The following IMMT variants were observed in gnomAD, a reference collection of about 807,000 sequenced individuals.
IMMT encodes the protein inner membrane mitochondrial protein.
In IMMT, 40 loss-of-function variants were observed where a neutral mutation model predicts 92.7. That is an observed-to-expected ratio of 0.43 (90% CI 0.34 to 0.56). The LOEUF is 0.56. Ranked by LOEUF, IMMT falls within the 20% of genes least tolerant of loss-of-function variation. IMMT has a pLI of 0.03. For missense variants in IMMT, 831 were observed against 912.1 expected (o/e 0.91, Z 1.14); for synonymous variants, 322 against 336.1 (o/e 0.96, Z 0.46).
chr2:86,178,368 C>T (rs1283191018), intron 3 of IMMT, among the ~76,000 whole-genome samples: 1 of 151,480 alleles, frequency 6.6e-6, no homozygotes, highest in African/African-American at 2.4e-5. Flanking sequence ...TATCTCACAC[C>T]TGTAATCCCA....
intron 4 of IMMT, 155 bp downstream of exon 4, chr2:86,173,495 G>A (rs375153407): frequency 2.0e-5 from 11 of 560,514 alleles, no homozygotes; most frequent in African/African-American, 3.8e-5. Context: ...CAGGAGAATC[G>A]CTTGAACCTG....
chr2:86,171,002 T>G (rs1677045737), intron 5 of IMMT, among the ~76,000 whole-genome samples, 158 bp from the exon 6 acceptor site: 1 of 152,244 alleles, frequency 6.6e-6, no homozygotes, highest in African/African-American at 2.4e-5. Context: ...TCTTAATGAT[T>G]CCAAAATGAA....
chr2:86,146,148 C>A lies in IMMT; in HGVS notation c.1583G>T (p.Ser528Ile). The change falls in exon 14 of 15, where the codon AGT (serine) becomes ATT (isoleucine). Residue 528 changes from serine to isoleucine, a missense_variant. Transcript: ENST00000410111. ...AGTAAAGTTGTCAACTTGCTCTTGA[C>A]TGAGACGACGAAATTGTAATTCTTG... ...SEQELQFRRL[S>I]QEQVDNFTLD... The A allele has an allele frequency of 1.9e-6, 3 of 1,608,590 alleles. No homozygotes were observed. Among genetic ancestry groups the A allele is most frequent in the Non-Finnish European group, 1.7e-6 (2 of 1,176,266 alleles).
chr2:86,171,957 ATATTTTT>A (rs60737853), intron 4 of IMMT, among the ~76,000 whole-genome samples: 50,692 of 132,570 alleles, frequency 0.38, 9,153 homozygotes, highest in Non-Finnish European at 0.46. Flanking sequence ...TGTGTGTAGT[ATATTTTT>A]TTTTTTTTTT....
intron 6 of IMMT, among the ~76,000 whole-genome samples, chr2:86,166,952 G>C (rs1188660782): frequency 1.3e-5 from 2 of 151,402 alleles, no homozygotes; most frequent in African/African-American, 4.8e-5. Flanking sequence ...ACAAAAATTA[G>C]CCAGGCATGG....
chr2:86,170,856 AG>A lies in IMMT; in HGVS notation c.560-13del. The A allele has an allele frequency of 6.5e-7, 1 of 1,547,286 alleles. No individual in the cohort carries two copies. On this transcript the variant is annotated splice_polypyrimidine_tract_variant and intron_variant, in intron 5 of 14. Transcript: ENST00000410111. Reference sequence around the variant, plus strand: ...TGAGGATGCTTCTTCTTGCAGCAAAAGTAAATAAGAGGAAATCAAATTTCAG... The same window carrying A: ...TGAGGATGCTTCTTCTTGCAGCAAAATAAATAAGAGGAAATCAAATTTCAG...
At chr2:86,189,812 T>A (rs1019216278) in intron 1 of IMMT, among the ~76,000 whole-genome samples, 2 of 152,196 alleles carry the variant, frequency 1.3e-5, no homozygotes, top group Non-Finnish European at 1.5e-5. Flanking sequence ...AAATAGTTTA[T>A]AAGAATCATG....
chr2:86,173,609 T>C, intron 4 of IMMT, 41 bp downstream of exon 4: 1 of 1,124,874 alleles, frequency 8.9e-7, no homozygotes, highest in Non-Finnish European at 1.3e-6. Flanking sequence ...GGTGAAGAGA[T>C]TTACCTATAA....
At chr2:86,152,440 C>CA (rs772186185) in intron 11 of IMMT, among the ~76,000 whole-genome samples, 1,276 of 76,742 alleles carry the variant, frequency 0.017, 30 homozygotes, top group African/African-American at 0.033. Flanking sequence ...GACTCCATCT[C>CA]AAAAAAAAAA....
chr2:86,144,100 T>A lies in IMMT; in HGVS notation c.*168A>T, dbSNP rs1674806756. ...AAAGCACTCCTGGCGTTCACTGACA[T>A]GATAGCAAATGGAAAGAATATAAAT... On this transcript the variant is annotated 3_prime_UTR_variant, in exon 15 of 15. Transcript: ENST00000410111. 1.3e-6 allele frequency: 1 copy of A among 741,790 alleles called. No homozygotes were observed. The highest frequency in any genetic ancestry group is 1.8e-5 in the African/African-American group (1 of 56,492). 46.0% of individuals were successfully genotyped at this position (741,790 alleles called of 1,614,324 possible). A position where few individuals can be genotyped will look rare whatever the true frequency, so the allele number is the denominator to read the frequency against.
chr2:86,173,753 C>A lies in IMMT; in HGVS notation c.318G>T (p.Ser106=). 1.9e-6 allele frequency: 3 copies of A among 1,554,846 alleles called. No homozygotes were observed. The highest frequency in any genetic ancestry group is 2.7e-6 in the Non-Finnish European group (3 of 1,131,238). Residue 106 remains serine (S), a synonymous_variant, in exon 4 of 15, where the codon TCG becomes TCT. Coordinates refer to ENST00000410111, the MANE Select transcript of IMMT (RefSeq NM_006839.3). ...NVPLPKKSIQ[S]GPLKISSVSE... Reference sequence around the variant, plus strand: ...ATACACTAGAGATTTTTAGTGGACCCGACTGAATCTTGGAAATAAAAAACA... The same window carrying A: ...ATACACTAGAGATTTTTAGTGGACCAGACTGAATCTTGGAAATAAAAAACA...
At chr2:86,156,353 A>G (rs1675855310) in intron 10 of IMMT, among the ~76,000 whole-genome samples, 1 of 152,154 alleles carries the variant, frequency 6.6e-6, no homozygotes, top group African/African-American at 2.4e-5. Flanking sequence ...GCACTTTGGG[A>G]GGCCGAGGTA....
chr2:86,146,642 C>T (rs7575430), intron 13 of IMMT, among the ~76,000 whole-genome samples: 47,436 of 152,074 alleles, frequency 0.31, 9,257 homozygotes, highest in East Asian at 0.73. Context: ...GGATTACAGG[C>T]GTGAGCCACC....
intron 11 of IMMT, among the ~76,000 whole-genome samples, chr2:86,153,174 G>C (rs1441602500): frequency 1.3e-5 from 2 of 152,098 alleles, no homozygotes; most frequent in Non-Finnish European, 2.9e-5. Flanking sequence ...GGAGGAGTGG[G>C]AATAGATGAG....
chr2:86,157,948 T>A lies in IMMT; in HGVS notation c.1162+644A>T, dbSNP rs1341650860. Among the ~76,000 whole-genome samples the A allele has an allele frequency of 5.3e-5, 8 of 151,746 alleles. No homozygotes were observed. In the East Asian group the frequency reaches 7.7e-4, roughly 15 times the overall value. On this transcript the variant is annotated intron_variant, in intron 10 of 14. Coordinates refer to ENST00000410111, the MANE Select transcript of IMMT (RefSeq NM_006839.3). ...CCAGCCTGGGCAACGACAAAAAAAA[T>A]AAAAATAAAAATAAACGGTATTTTA...
chr2:86,187,699 T>C (rs2081322), intron 1 of IMMT, among the ~76,000 whole-genome samples: 42,209 of 151,852 alleles, frequency 0.28, 7,099 homozygotes, highest in East Asian at 0.5. Flanking sequence ...TCACCTGAGG[T>C]TGGGAATTCG....
At chr2:86,171,766 CG>C (rs1677100962) in intron 4 of IMMT, among the ~76,000 whole-genome samples, 1 of 151,622 alleles carries the variant, frequency 6.6e-6, no homozygotes, top group African/African-American at 2.4e-5. Context: ...TGGTAGAAGA[CG>C]TGTGAGCAGG....
At chr2:86,165,365 G>A (rs1164378057) in intron 7 of IMMT, among the ~76,000 whole-genome samples, 1 of 152,114 alleles carries the variant, frequency 6.6e-6, no homozygotes, top group African/African-American at 2.4e-5. Context: ...ACTGAACTCT[G>A]ATATTTAAGT....
At chr2:86,178,977 G>A (rs1275039452) in intron 3 of IMMT, among the ~76,000 whole-genome samples, 4 of 152,146 alleles carry the variant, frequency 2.6e-5, no homozygotes, top group South Asian at 2.1e-4. Flanking sequence ...CAGGAGAATC[G>A]CTTGAACCCG....
Sources: allele counts gnomAD v4.1 joint callset (sites outside exome capture counted in the v4.1 genomes callset), GRCh38; gene constraint gnomAD v4.1.1; transcripts MANE v1.5; gene names NCBI Gene and HGNC (gene_info 2026-07-23, HGNC 2026-07-21).